SLIT3: variants seen among roughly 807,000 people sequenced by gnomAD.
SLIT3 encodes the protein slit guidance ligand 3, also known as slit homolog 3 protein.
A neutral mutation model predicts 184.0 loss-of-function variants in SLIT3; 68 were observed. That is an observed-to-expected ratio of 0.37 (90% CI 0.30 to 0.45). SLIT3 has a LOEUF of 0.45. SLIT3 is among the 20% of genes least tolerant of loss of function. SLIT3 has a pLI of 1.00. For synonymous variants in SLIT3, 831 were observed against 828.6 expected (o/e 1.00, Z -0.05); for missense variants, 1,707 against 2,026.0 (o/e 0.84, Z 3.02).
At chr5:168,846,937 TA>T (rs5873128) in intron 5 of SLIT3, among the ~76,000 whole-genome samples, 78,327 of 151,716 alleles carry the variant, frequency 0.52, 21,844 homozygotes, top group African/African-American at 0.73. Context: ...AGAAAGAGAA[TA>T]AAAAAAGTAT....
At chr5:169,182,210 T>C (rs905968896) in intron 4 of SLIT3, among the ~76,000 whole-genome samples, 2 of 152,296 alleles carry the variant, frequency 1.3e-5, no homozygotes, top group South Asian at 2.1e-4. Flanking sequence ...AGAAACATCA[T>C]GAATAAAACA....
chr5:169,157,024 C>A (rs1005397240), intron 4 of SLIT3, among the ~76,000 whole-genome samples: 24 of 151,982 alleles, frequency 1.6e-4, no homozygotes, highest in African/African-American at 5.3e-4. Context: ...ATACCACACA[C>A]AAAAAAATCT....
At chr5:169,056,588 C>T (rs1218665101) in intron 4 of SLIT3, among the ~76,000 whole-genome samples, 3 of 149,442 alleles carry the variant, frequency 2.0e-5, no homozygotes, top group Admixed American at 1.4e-4. Flanking sequence ...TCATAGCTGG[C>T]GATCTCTTAA....
chr5:169,156,386 T>C (rs1256916270), intron 4 of SLIT3, among the ~76,000 whole-genome samples: 2 of 152,232 alleles, frequency 1.3e-5, no homozygotes, highest in Non-Finnish European at 2.9e-5. Context: ...TAATGAAGCA[T>C]TCCCTAATTG....
At chr5:168,696,559 G>T in intron 27 of SLIT3, 128 bp from the exon 28 acceptor site, 1 of 1,107,546 alleles carries the variant, frequency 9.0e-7, no homozygotes. Flanking sequence ...GTCTGAGAAA[G>T]CACTTTGGAC....
chr5:169,152,824 A>T (rs1015489110), intron 4 of SLIT3, among the ~76,000 whole-genome samples: 8 of 152,118 alleles, frequency 5.3e-5, no homozygotes, highest in African/African-American at 1.9e-4. Flanking sequence ...GAGGGGCTGT[A>T]ATGACACCTA....
chr5:168,963,719 G>A (rs923131866), intron 4 of SLIT3, among the ~76,000 whole-genome samples: 2 of 152,200 alleles, frequency 1.3e-5, no homozygotes, highest in Non-Finnish European at 2.9e-5. Context: ...GGCAGTTGCT[G>A]CGAGACAAAC....
At chr5:169,265,057 C>T (rs1373592560) in intron 1 of SLIT3, among the ~76,000 whole-genome samples, 1 of 152,168 alleles carries the variant, frequency 6.6e-6, no homozygotes, top group East Asian at 1.9e-4. Context: ...ATGGTGAGGG[C>T]ATGTAAAGAG....
intron 4 of SLIT3, among the ~76,000 whole-genome samples, chr5:169,103,135 C>G (rs1043192533): frequency 6.6e-6 from 1 of 152,202 alleles, no homozygotes; most frequent in Non-Finnish European, 1.5e-5. Flanking sequence ...GATAGGCACT[C>G]TTAATTATTC....
intron 24 of SLIT3, 31 bp downstream of exon 24, chr5:168,712,252 A>G (rs900068368): frequency 6.3e-7 from 1 of 1,589,068 alleles, no homozygotes; most frequent in Non-Finnish European, 8.6e-7. Flanking sequence ...CATGTTTTGA[A>G]TGTTCATTGG....
intron 4 of SLIT3, among the ~76,000 whole-genome samples, chr5:168,982,513 T>C (rs1353830104): frequency 2.0e-5 from 3 of 152,362 alleles, no homozygotes; most frequent in Non-Finnish European, 2.9e-5. Flanking sequence ...TCCAGGTATT[T>C]TGTTATAAGC....
intron 4 of SLIT3, among the ~76,000 whole-genome samples, chr5:169,166,224 T>TC (rs1762634355): frequency 6.6e-6 from 1 of 152,048 alleles, no homozygotes; most frequent in Admixed American, 6.5e-5. Flanking sequence ...GACCAAAGAC[T>TC]CCCCCCAAAG....
intron 4 of SLIT3, among the ~76,000 whole-genome samples, chr5:169,187,902 C>G (rs377632293): frequency 1.3e-5 from 2 of 152,004 alleles, no homozygotes; most frequent in South Asian, 4.2e-4. Context: ...CCCATGTGTC[C>G]CTCACCACTC....
intron 5 of SLIT3, among the ~76,000 whole-genome samples, chr5:168,866,586 C>A (rs1418447278): frequency 6.6e-6 from 1 of 152,176 alleles, no homozygotes; most frequent in Non-Finnish European, 1.5e-5. Context: ...GGAAGTTCCC[C>A]CACTTTTTAT....
intron 5 of SLIT3, among the ~76,000 whole-genome samples, chr5:168,856,406 C>G (rs1758869770): frequency 6.6e-6 from 1 of 152,178 alleles, no homozygotes; most frequent in Non-Finnish European, 1.5e-5. Context: ...GTGAGAAGAA[C>G]TACCTTGACA....
chr5:168,846,499 C>T (rs1758475335), intron 5 of SLIT3, among the ~76,000 whole-genome samples: 1 of 152,160 alleles, frequency 6.6e-6, no homozygotes, highest in Admixed American at 6.5e-5. Context: ...CTAGATTTAT[C>T]ATCAGCTTAG....
intron 4 of SLIT3, among the ~76,000 whole-genome samples, chr5:169,186,032 G>C (rs1281076787): frequency 1.3e-5 from 2 of 152,180 alleles, no homozygotes; most frequent in African/African-American, 4.8e-5. Context: ...CAGAATATAG[G>C]TGAAGCACTT....
At chr5:168,707,028 G>C (rs1395993533) in intron 26 of SLIT3, 1 of 152,260 alleles carries the variant, frequency 6.6e-6, no homozygotes, top group African/African-American at 2.4e-5. Context: ...TGCAGAAGAG[G>C]ATGGAGCCAC....
At chr5:169,221,313 T>C (rs1297495864) in intron 3 of SLIT3, among the ~76,000 whole-genome samples, 1 of 152,238 alleles carries the variant, frequency 6.6e-6, no homozygotes, top group Non-Finnish European at 1.5e-5. Context: ...GTGCTTTCTC[T>C]CTGGCTCCGG....
Sources: allele counts gnomAD v4.1 joint callset (sites outside exome capture counted in the v4.1 genomes callset), GRCh38; gene constraint gnomAD v4.1.1; transcripts MANE v1.5; gene names NCBI Gene and HGNC (gene_info 2026-07-23, HGNC 2026-07-21).